The following SVEP1 variants were observed in gnomAD, a reference collection of about 807,000 sequenced individuals.
SVEP1 encodes the protein sushi, von Willebrand factor type A, EGF and pentraxin domain-containing protein 1.
A neutral mutation model predicts 367.3 loss-of-function variants in SVEP1; 164 were observed. The observed-to-expected ratio is 0.45, with a 90% CI of 0.39 to 0.51. The LOEUF (loss-of-function observed/expected upper bound fraction) is 0.51. Ranked by LOEUF, SVEP1 falls within the 20% of genes least tolerant of loss-of-function variation. The probability of loss-of-function intolerance (pLI) is 0.00; values close to 1 mark genes in which losing one functional copy is unlikely to be tolerated. For missense variants in SVEP1, 4,117 were observed against 4,425.3 expected (o/e 0.93, Z 1.98); for synonymous variants, 1,666 against 1,611.6 (o/e 1.03, Z -0.81).
intron 3 of SVEP1, among the ~76,000 whole-genome samples, chr9:110,536,857 C>A (rs913830701): frequency 6.6e-6 from 1 of 151,918 alleles, no homozygotes; most frequent in East Asian, 1.9e-4. Context: ...TTTTTCTTAA[C>A]TACAGGCACT....
At chr9:110,493,093 A>G (rs1564158351) in intron 8 of SVEP1, among the ~76,000 whole-genome samples, 1 of 152,066 alleles carries the variant, frequency 6.6e-6, no homozygotes, top group African/African-American at 2.4e-5. Context: ...GTTCTGCCCT[A>G]CACTCTGCTC....
At chr9:110,471,689 AATCTT>A (rs1829020351) in intron 15 of SVEP1, 92 bp from the exon 16 acceptor site, 1 of 886,102 alleles carries the variant, frequency 1.1e-6, no homozygotes, top group Non-Finnish European at 1.7e-6. Context: ...AAATACTTAA[AATCTT>A]TTAGTACTAA....
chr9:110,571,071 G>A (rs1347371052), intron 1 of SVEP1, among the ~76,000 whole-genome samples: 1 of 148,998 alleles, frequency 6.7e-6, no homozygotes, highest in Non-Finnish European at 1.5e-5. Flanking sequence ...CGGCCTCCCA[G>A]GTTCAAGCGA....
In SVEP1 at chr9:110,407,682, TGTC is replaced by T. The variant is rs758214409; in HGVS notation, c.7915_7917del (p.Asp2639del). 2.0e-5 allele frequency: 32 copies of T among 1,614,022 alleles called. No individual in the cohort carries two copies. The South Asian group carries it at 3.2e-4, about 16-fold the overall frequency. ...GGAGTCACATATGGAACTTCCATCATGTCGTCTTCTTGCTCAAAATATCCCTGG... is the reference window on the plus strand; with the variant it reads ...GGAGTCACATATGGAACTTCCATCATGTCTTCTTGCTCAAAATATCCCTGG... On this transcript the variant is annotated inframe_deletion, in exon 38 of 48. Transcript: ENST00000374469.
chr9:110,413,907 T>C (rs1199408921), intron 36 of SVEP1, among the ~76,000 whole-genome samples: 1 of 152,042 alleles, frequency 6.6e-6, no homozygotes, highest in Non-Finnish European at 1.5e-5. Flanking sequence ...AGTTTAATCC[T>C]GCTTAGATGT....
At chr9:110,378,127 C>G (rs906469826) in intron 44 of SVEP1, among the ~76,000 whole-genome samples, 9 of 129,464 alleles carry the variant, frequency 7.0e-5, no homozygotes, top group African/African-American at 3.5e-4. Context: ...TCTTCTTAAT[C>G]ATCATCATCA....
At chr9:110,397,207 G>A (rs1316893428) in intron 40 of SVEP1, among the ~76,000 whole-genome samples, 4 of 152,118 alleles carry the variant, frequency 2.6e-5, no homozygotes, top group African/African-American at 9.7e-5. Context: ...ATCAATAAAT[G>A]TAATCCAGCA....
Position 110,407,684 on chromosome 9 carries a change from T to A in SVEP1, c.7916A>T (p.Asp2639Val). The change falls in exon 38 of 48, where the codon GAC becomes GTC. Residue 2639 changes from aspartate to valine, a missense_variant. Transcript: ENST00000374469. ...AGTCACATATGGAACTTCCATCATG[T>A]CGTCTTCTTGCTCAAAATATCCCTG... ...DDQGYFEQED[D>V]MMEVPYVTPH... 3.1e-6 allele frequency: 5 copies of A among 1,613,974 alleles called. No homozygotes were observed. The highest frequency in any genetic ancestry group is 4.2e-6 in the Non-Finnish European group (5 of 1,179,894).
rs1238022941 is a variant in SVEP1 at position 110,468,849 on chromosome 9, A to G, written c.3160+91T>C. 3.4e-4 allele frequency: 441 copies of G among 1,292,890 alleles called. 3 individuals carry two copies. The highest frequency in any genetic ancestry group is 1.6e-5 in the Non-Finnish European group (15 of 960,546). The allele number at this position is 1,292,890 out of a possible 1,614,324, so 80.1% of individuals were successfully genotyped here. A position where few individuals can be genotyped will look rare whatever the true frequency, so the allele number is the denominator to read the frequency against. The stretch of plus-strand genomic sequence containing the variant: ...CCACAGGGGCCTCAGACAAGAGCCG[A>G]GTGTTGGGTGAAGAAAATAAATCTT... On this transcript the variant is annotated intron_variant, in intron 17 of 47. Transcript: ENST00000374469.
intron 2 of SVEP1, among the ~76,000 whole-genome samples, chr9:110,548,701 A>G (rs956308001): frequency 3.9e-5 from 6 of 152,158 alleles, no homozygotes; most frequent in African/African-American, 1.4e-4. Flanking sequence ...ACCTGTTTAA[A>G]CGCAAATCCA....
At chr9:110,436,288 C>A in intron 28 of SVEP1, 92 bp downstream of exon 28, 8 of 1,475,756 alleles carry the variant, frequency 5.4e-6, no homozygotes, top group Non-Finnish European at 7.4e-6. Flanking sequence ...CAAGAGCTTA[C>A]AATAAGTTAT....
chr9:110,570,712 C>A (rs1830552192), intron 1 of SVEP1, among the ~76,000 whole-genome samples: 1 of 151,926 alleles, frequency 6.6e-6, no homozygotes. Flanking sequence ...AACTCCTGAC[C>A]TCAGGTGATC....
chr9:110,470,751 C>CATAT (rs36005017), intron 16 of SVEP1, among the ~76,000 whole-genome samples: 63 of 147,320 alleles, frequency 4.3e-4, no homozygotes, highest in Middle Eastern at 3.6e-3. Flanking sequence ...TTACTGTCTT[C>CATAT]ATATATATAT....
chr9:110,390,087 ATAC>A (rs1827612018), intron 40 of SVEP1, among the ~76,000 whole-genome samples: 1 of 139,008 alleles, frequency 7.2e-6, no homozygotes. Flanking sequence ...ACGTGTATAT[ATAC>A]ACATACATAC....
intron 3 of SVEP1, among the ~76,000 whole-genome samples, chr9:110,541,502 G>C (rs970705948): frequency 1.3e-5 from 2 of 152,004 alleles, no homozygotes; most frequent in Admixed American, 1.3e-4. Flanking sequence ...CCCTAGTCTA[G>C]CCTAGAACAG....
rs548114358 is a variant in SVEP1 at position 110,400,844 on chromosome 9, G to A, written c.9822+10C>T. 5 of 1,598,040 alleles carry A rather than the reference G, an allele frequency of 3.1e-6. No individual in the cohort carries two copies. The East Asian group carries it at 1.1e-4, about 36-fold the overall frequency. Reference sequence around the variant, plus strand: ...CAAATTATTTCTAGTTAAACAATTTGTTCGCTTACCTCTAGTTCATAGCCA... The same window carrying A: ...CAAATTATTTCTAGTTAAACAATTTATTCGCTTACCTCTAGTTCATAGCCA... On this transcript the variant is annotated intron_variant, in intron 40 of 47. Transcript: ENST00000374469.
intron 1 of SVEP1, among the ~76,000 whole-genome samples, chr9:110,575,437 G>A (rs1257823470): frequency 2.6e-5 from 4 of 152,166 alleles, no homozygotes; most frequent in Admixed American, 6.5e-5. Context: ...GTAGACCATG[G>A]CATTAGGAAT....
At chr9:110,567,035 C>T (rs537448378) in intron 1 of SVEP1, among the ~76,000 whole-genome samples, 2 of 152,290 alleles carry the variant, frequency 1.3e-5, no homozygotes, top group South Asian at 2.1e-4. Flanking sequence ...CTGAATAGTC[C>T]TTTGAGATGT....
intron 3 of SVEP1, among the ~76,000 whole-genome samples, chr9:110,527,438 G>C (rs1036901925): frequency 6.6e-6 from 1 of 151,770 alleles, no homozygotes; most frequent in African/African-American, 2.4e-5. Flanking sequence ...GAGGTGAATA[G>C]TATGTTTAAT....
Sources: gnomAD v4.1 joint callset for allele counts (sites outside exome capture counted in the v4.1 genomes callset) on GRCh38, gnomAD v4.1.1 for gene constraint, MANE v1.5 for transcripts, NCBI Gene and HGNC (gene_info 2026-07-23, HGNC 2026-07-21) for gene names.